Variants in FRMD4A observed in about 807,000 individuals in gnomAD.
FRMD4A encodes FERM domain containing 4A.
Under a neutral mutation model 129.1 loss-of-function variants are expected in FRMD4A, and 29 were observed. The observed-to-expected ratio is 0.22, with a 90% CI of 0.17 to 0.31. The LOEUF (loss-of-function observed/expected upper bound fraction) is 0.31. FRMD4A is among the 10% of genes least tolerant of loss of function. The pLI is 1.00. For synonymous variants in FRMD4A, 634 were observed against 571.6 expected (o/e 1.11, Z -1.56); for missense variants, 1,272 against 1,375.8 (o/e 0.92, Z 1.19).
intron 2 of FRMD4A, among the ~76,000 whole-genome samples, chr10:14,162,389 T>A (rs1239916542): frequency 6.6e-6 from 1 of 152,244 alleles, no homozygotes; most frequent in Admixed American, 6.5e-5. Context: ...GATTTTGGCA[T>A]ATCCTAGGTC....
At chr10:14,249,423 T>C (rs182367934) in intron 2 of FRMD4A, among the ~76,000 whole-genome samples, 1 of 152,126 alleles carries the variant, frequency 6.6e-6, no homozygotes, top group Non-Finnish European at 1.5e-5. Flanking sequence ...AGTGTTTGTG[T>C]GAAATGAAGC....
rs368403957 is a variant in FRMD4A, at chr10:13,765,100, GA to G, written c.385-2421del. On this transcript the variant is annotated intron_variant, in intron 6 of 24. Transcript: ENST00000357447. ...CAAGCCAGACTCTGATTCAAGGATT[GA>G]TTTTTTTTTTTTGTTTTTTTTTTTT... is the stretch of plus-strand genomic sequence containing the variant. 1.0e-4 allele frequency among the ~76,000 whole-genome samples: 10 copies of G among 95,368 alleles called. No homozygotes were observed. The East Asian group carries it at 3.0e-3, about 28-fold the overall frequency. The allele number at this position is 95,368 out of a possible 152,430, so 62.6% of individuals were successfully genotyped here. A position where few individuals can be genotyped will look rare whatever the true frequency, so the allele number is the denominator to read the frequency against.
intron 2 of FRMD4A, among the ~76,000 whole-genome samples, chr10:14,185,684 A>C (rs772078316): frequency 6.6e-6 from 1 of 152,174 alleles, no homozygotes; most frequent in East Asian, 1.9e-4. Flanking sequence ...AGAAGAGAGG[A>C]TAGCAGCAGC....
chr10:14,033,802 G>C (rs1294255543), intron 2 of FRMD4A, among the ~76,000 whole-genome samples: 1 of 142,436 alleles, frequency 7.0e-6, no homozygotes, highest in Admixed American at 7.1e-5. Flanking sequence ...GAGAGAGAGA[G>C]ACAGAGAGAG....
intron 2 of FRMD4A, among the ~76,000 whole-genome samples, chr10:14,045,449 G>A (rs1315826946): frequency 3.3e-5 from 5 of 151,784 alleles, no homozygotes; most frequent in East Asian, 1.9e-4. Flanking sequence ...TGTCTATTAC[G>A]CACACACTTT....
chr10:13,695,119 T>A (rs1338843309), intron 14 of FRMD4A, among the ~76,000 whole-genome samples: 1 of 151,842 alleles, frequency 6.6e-6, no homozygotes. Flanking sequence ...ACATTGACAT[T>A]CCTAAAAGCA....
At chr10:14,237,677 G>T (rs539923899) in intron 2 of FRMD4A, among the ~76,000 whole-genome samples, 3 of 152,296 alleles carry the variant, frequency 2.0e-5, no homozygotes, top group South Asian at 4.1e-4. Flanking sequence ...GAGACAGAGA[G>T]AATTCCAGCT....
chr10:14,185,584 A>G (rs1031897467), intron 2 of FRMD4A, among the ~76,000 whole-genome samples: 2 of 151,346 alleles, frequency 1.3e-5, no homozygotes, highest in African/African-American at 2.4e-5. Context: ...CTCGTCTTGT[A>G]AGAAAGAGAA....
At chr10:13,718,386 C>A (rs1039290824) in intron 12 of FRMD4A, among the ~76,000 whole-genome samples, 9 of 152,266 alleles carry the variant, frequency 5.9e-5, no homozygotes, top group Non-Finnish European at 5.9e-5. Flanking sequence ...GCCTGCCCCG[C>A]TCCAGCCTGG....
intron 2 of FRMD4A, among the ~76,000 whole-genome samples, chr10:14,186,533 A>G (rs1447425785): frequency 6.6e-6 from 1 of 152,168 alleles, no homozygotes; most frequent in African/African-American, 2.4e-5. Flanking sequence ...TGCTTTTCTC[A>G]CAAACCTGGT....
In FRMD4A at chr10:13,789,482, T is replaced by C. The variant is rs139203841; in HGVS notation, c.300-6476A>G. Reference sequence around the variant, plus strand: ...ATGATCAGAACTACAGGACACTTGGTAGAAGAAAATGTAATTAAAGAATAA... The same window carrying C: ...ATGATCAGAACTACAGGACACTTGGCAGAAGAAAATGTAATTAAAGAATAA... On this transcript the variant is annotated intron_variant, in intron 5 of 24. Transcript: ENST00000357447. Among the ~76,000 whole-genome samples the C allele has an allele frequency of 1.3e-4, 19 of 151,780 alleles. No individual in the cohort carries two copies. The East Asian group carries it at 2.3e-3, about 19-fold the overall frequency.
At position 13,764,184 on chromosome 10, in the gene FRMD4A, C is replaced by CGTGTGTGTGT. The variant is rs369852562; in HGVS notation, c.385-1514_385-1505dup. 8.4e-3 allele frequency among the ~76,000 whole-genome samples: 1,196 copies of CGTGTGTGTGT among 141,678 alleles called. 25 individuals are homozygous for CGTGTGTGTGT. The highest frequency in any genetic ancestry group is 0.026 in the African/African-American group (984 of 37,500). The allele number at this position is 141,678 out of a possible 152,430, so 92.9% of individuals were successfully genotyped here. On this transcript the variant is annotated intron_variant, in intron 6 of 24. Transcript: ENST00000357447. ...CATATCGATCACATCCAAAGATTTC[C>CGTGTGTGTGT]GTGTGTGTGTGTGTGTGTGTGTGTG...
At chr10:13,900,782 A>G (rs2094810952) in intron 2 of FRMD4A, among the ~76,000 whole-genome samples, 1 of 152,130 alleles carries the variant, frequency 6.6e-6, no homozygotes, top group African/African-American at 2.4e-5. Flanking sequence ...CTGTAATCCC[A>G]GCTACTCAGG....
intron 2 of FRMD4A, among the ~76,000 whole-genome samples, chr10:13,867,593 A>T (rs1405842754): frequency 9.6e-6 from 1 of 104,484 alleles, no homozygotes; most frequent in Non-Finnish European, 1.8e-5. Context: ...ATATAAAATA[A>T]TATATATTAT....
intron 2 of FRMD4A, among the ~76,000 whole-genome samples, chr10:14,236,780 G>C (rs138022116): frequency 1.3e-5 from 2 of 152,074 alleles, no homozygotes; most frequent in Non-Finnish European, 2.9e-5. Flanking sequence ...ATCCAACAAC[G>C]CGCAAACATC....
intron 2 of FRMD4A, among the ~76,000 whole-genome samples, chr10:14,066,951 A>G (rs758214322): frequency 1.3e-5 from 2 of 152,238 alleles, no homozygotes; most frequent in African/African-American, 2.4e-5. Flanking sequence ...TTAACCTTCT[A>G]TCCTTCAAGA....
rs768040695 is a variant in FRMD4A at position 13,773,378 on chromosome 10, C to T, written c.384+9544G>A. ...AGCCCTTTCTCCTAGTTAGCCACCT[C>T]GGTGGCCTTTTGGATGATACTGATG... On this transcript the variant is annotated intron_variant, in intron 6 of 24. Coordinates refer to ENST00000357447, the MANE Select transcript of FRMD4A (RefSeq NM_018027.5). Among the ~76,000 whole-genome samples, 17 of 152,216 alleles carry T rather than the reference C, an allele frequency of 1.1e-4. 1 individual carries two copies. The highest frequency in any genetic ancestry group is 5.8e-4 in the East Asian group (3 of 5,194).
intron 2 of FRMD4A, among the ~76,000 whole-genome samples, chr10:14,072,048 C>T (rs1835343153): frequency 2.0e-5 from 3 of 152,192 alleles, no homozygotes; most frequent in Admixed American, 2.0e-4. Flanking sequence ...ACCTATTAGA[C>T]ATTGATTTAT....
chr10:13,996,792 AT>A, intron 2 of FRMD4A, among the ~76,000 whole-genome samples: 1 of 152,290 alleles, frequency 6.6e-6, no homozygotes, highest in Middle Eastern at 3.4e-3. Context: ...ATTTCTTCCA[AT>A]TTGATCCAAA....
Sources: allele counts gnomAD v4.1 joint callset (sites outside exome capture counted in the v4.1 genomes callset), GRCh38; gene constraint gnomAD v4.1.1; transcripts MANE v1.5; gene names NCBI Gene and HGNC (gene_info 2026-07-23, HGNC 2026-07-21).